Variants in NAA15 observed in about 807,000 individuals in gnomAD.
NAA15 encodes the protein N-alpha-acetyltransferase 15, NatA auxiliary subunit, also known as N-terminal acetyltransferase.
NAA15 carries 34 observed loss-of-function variants against 114.0 expected under a neutral mutation model. That is an observed-to-expected ratio of 0.30 (90% confidence interval 0.23 to 0.40). NAA15 has a LOEUF of 0.40. Among genes scored for constraint, NAA15 ranks in the 10% least tolerant of loss-of-function variants. The pLI, the probability that NAA15 is intolerant of heterozygous loss-of-function variation, is 1.00. For synonymous variants in NAA15, 340 were observed against 338.0 expected, an observed-to-expected ratio of 1.01 and a Z score of -0.06; for missense variants, 658 against 1,004.5, an observed-to-expected ratio of 0.66 and a Z score of 4.66.
chr4:139,368,213 C>T (rs893392938), intron 14 of NAA15, among the ~76,000 whole-genome samples: 1 of 152,174 alleles, frequency 6.6e-6, no homozygotes, highest in Non-Finnish European at 1.5e-5. Context: ...CTGACTGTTA[C>T]TATGTGTCAA....
At chr4:139,313,265 A>G (rs1746278219) in intron 1 of NAA15, among the ~76,000 whole-genome samples, 1 of 151,988 alleles carries the variant, frequency 6.6e-6, no homozygotes, top group Non-Finnish European at 1.5e-5. Flanking sequence ...TCACAATAAA[A>G]TGGCTAAAAT....
chr4:139,337,208 G>A (rs952282974), intron 3 of NAA15, among the ~76,000 whole-genome samples: 1 of 152,104 alleles, frequency 6.6e-6, no homozygotes, highest in Non-Finnish European at 1.5e-5. Context: ...CTTAAAAAGG[G>A]GGCATTGCTA....
At chr4:139,339,909 TCTC>T (rs1747327172) in intron 3 of NAA15, among the ~76,000 whole-genome samples, 3 of 152,288 alleles carry the variant, frequency 2.0e-5, no homozygotes, top group South Asian at 2.1e-4. Context: ...AGTGGAATAT[TCTC>T]CTCCTTGATA....
intron 7 of NAA15, 152 bp from the exon 8 acceptor site, chr4:139,351,039 A>G: frequency 3.1e-5 from 14 of 447,308 alleles, no homozygotes. Flanking sequence ...ATAGTCTAAA[A>G]TAATTGTTGA....
At chr4:139,302,007 G>T in intron 1 of NAA15, 176 bp downstream of exon 1, 1 of 596,140 alleles carries the variant, frequency 1.7e-6, no homozygotes. Context: ...ACTATGGCCC[G>T]CGCGCCAGGG....
At chr4:139,323,053 C>CTTTTTTTTTTTTTTTTT (rs67137305) in intron 1 of NAA15, among the ~76,000 whole-genome samples, 7 of 117,486 alleles carry the variant, frequency 6.0e-5, no homozygotes, top group Non-Finnish European at 1.1e-4. Context: ...CTTTTCTTTT[C>CTTTTTTTTTTTTTTTTT]TTTTTTTTTT....
intron 17 of NAA15, among the ~76,000 whole-genome samples, chr4:139,381,203 CTTA>C (rs2110999717): frequency 6.6e-6 from 1 of 152,164 alleles, no homozygotes; most frequent in East Asian, 1.9e-4. Context: ...CTGTCTTTTT[CTTA>C]TTATGAGGAT....
rs753986206 is a variant in NAA15, at chr4:139,336,859, A to G, written c.151A>G (p.Met51Val). 1.3e-6 allele frequency: 2 copies of G among 1,536,126 alleles called. No homozygotes were observed. The highest frequency in any genetic ancestry group is 1.7e-6 in the Non-Finnish European group (2 of 1,144,404). Residue 51 changes from methionine to valine, a missense_variant, in exon 3 of 20, where the codon ATG (methionine) becomes GTG (valine). Coordinates refer to ENST00000296543, the MANE Select transcript of NAA15 (RefSeq NM_057175.5). ...GTTTTTGAAAATAGAAACCTTGGCT[A>G]TGAAAGGATTAACATTGAACTGTTT... ...KFAEHGETLA[M>V]KGLTLNCLGK...
chr4:139,308,535 C>CA (rs1425953576), intron 1 of NAA15, among the ~76,000 whole-genome samples: 1 of 152,044 alleles, frequency 6.6e-6, no homozygotes, highest in South Asian at 2.1e-4. Context: ...AACAAAAAAT[C>CA]AAAAAATGGA....
intron 1 of NAA15, among the ~76,000 whole-genome samples, chr4:139,310,491 A>G (rs1389310752): frequency 6.6e-6 from 1 of 151,472 alleles, no homozygotes; most frequent in Non-Finnish European, 1.5e-5. Flanking sequence ...ATAAAAAGCT[A>G]TGTCGTATAA....
chr4:139,358,191 G>GTTTTTGT (rs1748022012), intron 11 of NAA15, among the ~76,000 whole-genome samples: 2 of 143,542 alleles, frequency 1.4e-5, no homozygotes, highest in African/African-American at 5.1e-5. Flanking sequence ...TTTTGTTTTT[G>GTTTTTGT]TTTTTTTTTT....
intron 1 of NAA15, among the ~76,000 whole-genome samples, chr4:139,308,055 G>A (rs1309141878): frequency 4.0e-5 from 6 of 151,722 alleles, no homozygotes; most frequent in East Asian, 1.9e-4. Flanking sequence ...TCTGCCTCCC[G>A]GGTTCACGCC....
intron 1 of NAA15, 155 bp downstream of exon 1, chr4:139,301,986 C>A: frequency 1.3e-6 from 1 of 765,474 alleles, no homozygotes; most frequent in Non-Finnish European, 2.0e-6. Context: ...TGCTCCCTCT[C>A]TGTGGTTCCT....
intron 1 of NAA15, among the ~76,000 whole-genome samples, chr4:139,317,346 G>T (rs145486164): frequency 6.6e-6 from 1 of 152,002 alleles, no homozygotes; most frequent in African/African-American, 2.4e-5. Context: ...ATCGTGGGCC[G>T]GGCGCGGTGG....
intron 1 of NAA15, among the ~76,000 whole-genome samples, chr4:139,315,341 A>C (rs2110848836): frequency 6.6e-6 from 1 of 151,948 alleles, no homozygotes; most frequent in African/African-American, 2.4e-5. Context: ...GCAATATGGC[A>C]AAACCCTATG....
intron 13 of NAA15, 118 bp from the exon 14 acceptor site, chr4:139,361,606 T>C (rs1748133105): frequency 1.6e-6 from 1 of 624,776 alleles, no homozygotes; most frequent in African/African-American, 1.8e-5. Context: ...TAATTGTTTT[T>C]TTAAAATTTT....
Position 139,325,632 on chromosome 4 carries a change from G to C in NAA15, c.55-8542G>C, listed in dbSNP as rs1231726319. 5.9e-5 allele frequency among the ~76,000 whole-genome samples: 9 copies of C among 152,294 alleles called. No individual in the cohort carries two copies. The East Asian group carries it at 1.3e-3, about 23-fold the overall frequency. On this transcript the variant is annotated intron_variant, in intron 1 of 19. Transcript: ENST00000296543. ...TGTAAAATAAAGTTACATTGTGCAT[G>C]TCAAGTAAGAATATCAATTTTATTT...
chr4:139,337,414 C>T (rs1747235508), intron 3 of NAA15, among the ~76,000 whole-genome samples: 1 of 152,098 alleles, frequency 6.6e-6, no homozygotes, highest in Admixed American at 6.5e-5. Flanking sequence ...AGGTTCAAAA[C>T]CCATTTCAGC....
chr4:139,328,170 G>A (rs1371234163), intron 1 of NAA15, among the ~76,000 whole-genome samples: 1 of 151,174 alleles, frequency 6.6e-6, no homozygotes, highest in Non-Finnish European at 1.5e-5. Flanking sequence ...CTCTTATCTG[G>A]GAAAGGTTCC....
Sources: gnomAD v4.1 joint callset for allele counts (sites outside exome capture counted in the v4.1 genomes callset) on GRCh38, gnomAD v4.1.1 for gene constraint, MANE v1.5 for transcripts, NCBI Gene and HGNC (gene_info 2026-07-23, HGNC 2026-07-21) for gene names.